Variants in UGDH observed in about 807,000 individuals in gnomAD.
The protein encoded by UGDH is UDP-Glc dehydrogenase.
In UGDH, 38 loss-of-function variants were observed where a neutral mutation model predicts 50.6. The ratio of observed to expected loss-of-function variants is 0.75; its 90% CI spans 0.58 to 0.98. The LOEUF (loss-of-function observed/expected upper bound fraction) is 0.98. Ranked by LOEUF, UGDH falls within the 50% of genes least tolerant of loss-of-function variation. The pLI is 0.00. For synonymous variants in UGDH, 168 were observed against 199.9 expected (o/e 0.84, Z 1.35); for missense variants, 465 against 606.2 (o/e 0.77, Z 2.45).
intron 3 of UGDH, among the ~76,000 whole-genome samples, chr4:39,512,214 A>C (rs1316471660): frequency 6.6e-6 from 1 of 152,152 alleles, no homozygotes; most frequent in African/African-American, 2.4e-5. Context: ...AAAAGTCTAA[A>C]ACTTAAAGGG....
chr4:39,508,499 GC>G, intron 7 of UGDH, 66 bp downstream of exon 7: 1 of 1,478,640 alleles, frequency 6.8e-7, no homozygotes. Context: ...TTCCTAAAGT[GC>G]TGCGATTACA....
chr4:39,504,821 G>A (rs920616451), intron 9 of UGDH, among the ~76,000 whole-genome samples: 1 of 152,184 alleles, frequency 6.6e-6, no homozygotes, highest in Admixed American at 6.5e-5. Flanking sequence ...TTTCCTTCTA[G>A]TACTTTCAGA....
In UGDH at chr4:39,521,345, G is replaced by A. The variant is rs191485002; in HGVS notation, c.162+6C>T. ...ATAAAAACAAAGAGATGTTTAATAT[G>A]TTTACCTCATAAATAGGAAGTGTAG... On this transcript the variant is annotated splice_donor_region_variant and intron_variant, in intron 2 of 11. Coordinates refer to ENST00000316423, the MANE Select transcript of UGDH (RefSeq NM_003359.4). 3.1e-6 allele frequency: 5 copies of A among 1,601,822 alleles called. No homozygotes were observed. The highest frequency in any genetic ancestry group is 2.6e-6 in the Non-Finnish European group (3 of 1,174,688).
chr4:39,505,456 T>C (rs1008809642), intron 8 of UGDH, 86 bp from the exon 9 acceptor site: 3 of 1,254,710 alleles, frequency 2.4e-6, no homozygotes, highest in South Asian at 2.4e-5. Flanking sequence ...GGTAAAATTA[T>C]ATTTCTGAAG....
At chr4:39,509,671 TGA>T (rs1746157852) in intron 6 of UGDH, 87 bp downstream of exon 6, 1 of 1,396,140 alleles carries the variant, frequency 7.2e-7, no homozygotes, top group South Asian at 1.5e-5. Context: ...AAGGATTCAA[TGA>T]GATATATAAA....
intron 1 of UGDH, among the ~76,000 whole-genome samples, chr4:39,521,749 C>T (rs548825994): frequency 6.6e-6 from 1 of 152,252 alleles, no homozygotes; most frequent in East Asian, 1.9e-4. Context: ...GAAATAATTA[C>T]AGTAACTGAT....
intron 1 of UGDH, among the ~76,000 whole-genome samples, chr4:39,523,524 G>T (rs1746752780): frequency 6.6e-6 from 1 of 151,874 alleles, no homozygotes; most frequent in Non-Finnish European, 1.5e-5. Context: ...ATTTATTCTG[G>T]CCAGGCACGG....
At chr4:39,523,394 G>A (rs1746747377) in intron 1 of UGDH, among the ~76,000 whole-genome samples, 1 of 151,968 alleles carries the variant, frequency 6.6e-6, no homozygotes, top group Non-Finnish European at 1.5e-5. Context: ...TAGAACTTTG[G>A]TAAAATAGTA....
Position 39,510,753 on chromosome 4 carries a change from T to C in UGDH, c.373A>G (p.Ile125Val). ...RIVQNSNGYK[I>V]VTEKSTVPVR... ...GGAACTGTGCTTTTCTCAGTCACAATTTTGTACCCATTTGAGTTTTGCACA... is the reference window on the plus strand; with the variant it reads ...GGAACTGTGCTTTTCTCAGTCACAACTTTGTACCCATTTGAGTTTTGCACA... The change falls in exon 4 of 12, where the codon ATT becomes GTT. Residue 125 changes from isoleucine to valine, a missense_variant. Ile to Val is a conservative substitution (Grantham distance 29, BLOSUM62 3). Transcript: ENST00000316423. The C allele has an allele frequency of 6.2e-7, 1 of 1,614,236 alleles. No individual in the cohort carries two copies. The highest frequency in any genetic ancestry group is 1.1e-5 in the South Asian group (1 of 91,084).
In UGDH at chr4:39,503,903, T is replaced by A. The variant is rs779324355; in HGVS notation, c.1346A>T (p.His449Leu). The change falls in exon 11 of 12, where the codon CAC becomes CTC. Residue 449 changes from histidine (H) to leucine (L), a missense_variant. Transcript: ENST00000316423. ...FDGRRVLDGLHNELQTIGFQI... is the reference protein window; with the variant it reads ...FDGRRVLDGLLNELQTIGFQI... ...GAAGCCAATGGTTTGTAGTTCATTG[T>A]GGAGCCCATCCAGGACACGCCGTCC... 5.0e-6 allele frequency: 8 copies of A among 1,614,220 alleles called. No individual in the cohort carries two copies. The Admixed American group carries it at 1.3e-4, about 27-fold the overall frequency.
chr4:39,516,866 A>T (rs1426467878), intron 2 of UGDH, among the ~76,000 whole-genome samples: 1 of 152,232 alleles, frequency 6.6e-6, no homozygotes, highest in Admixed American at 6.5e-5. Context: ...TGCAGAGAAT[A>T]AAATTTAATT....
intron 1 of UGDH, among the ~76,000 whole-genome samples, chr4:39,524,887 C>A (rs554354286): frequency 2.0e-5 from 3 of 152,204 alleles, no homozygotes; most frequent in African/African-American, 7.2e-5. Context: ...ATTGTGAGAC[C>A]ACATTTCAAC....
chr4:39,510,934 G>A, intron 3 of UGDH, 73 bp from the exon 4 acceptor site: 1 of 1,483,442 alleles, frequency 6.7e-7, no homozygotes, highest in Middle Eastern at 1.7e-4. Context: ...CTGAACTACT[G>A]GTTAAAGTGT....
At chr4:39,520,946 G>C (rs893414536) in intron 2 of UGDH, among the ~76,000 whole-genome samples, 3 of 151,544 alleles carry the variant, frequency 2.0e-5, no homozygotes, top group African/African-American at 7.3e-5. Context: ...GGTGGTGGGC[G>C]CCTGTAATCC....
intron 2 of UGDH, among the ~76,000 whole-genome samples, chr4:39,519,362 T>C (rs1746556343): frequency 6.6e-6 from 1 of 152,118 alleles, no homozygotes; most frequent in African/African-American, 2.4e-5. Context: ...GGCTTATTTG[T>C]GAAGACTAGA....
chr4:39,505,372 T>C lies in UGDH; in HGVS notation c.1038-2A>G. The C allele has an allele frequency of 6.6e-7, 1 of 1,505,972 alleles. No homozygotes were observed. The highest frequency in any genetic ancestry group is 8.8e-7 in the Non-Finnish European group (1 of 1,132,148). 93.3% of individuals were successfully genotyped at this position (1,505,972 alleles called of 1,614,324 possible). A position where few individuals can be genotyped will look rare whatever the true frequency, so the allele number is the denominator to read the frequency against. Reference sequence around the variant, plus strand: ...CTAATATATATACTAGAAGATTCTCTATAGGAAAAAAAAAATCAGTATTGG... The same window carrying C: ...CTAATATATATACTAGAAGATTCTCCATAGGAAAAAAAAAATCAGTATTGG... On this transcript the variant is annotated splice_acceptor_variant, in intron 8 of 11. Transcript: ENST00000316423. LOFTEE classifies it high-confidence loss of function.
chr4:39,526,958 C>T, intron 1 of UGDH: 1 of 1,246,262 alleles, frequency 8.0e-7, no homozygotes, highest in Non-Finnish European at 1.1e-6. Flanking sequence ...GAACCGCTTC[C>T]TGTGGTGGGC....
At chr4:39,525,044 A>G (rs1178637662) in intron 1 of UGDH, among the ~76,000 whole-genome samples, 2 of 152,388 alleles carry the variant, frequency 1.3e-5, no homozygotes, top group East Asian at 3.9e-4. Context: ...CAATGGGAGA[A>G]TCAATGAAAA....
At chr4:39,523,042 T>G (rs984369952) in intron 1 of UGDH, among the ~76,000 whole-genome samples, 3 of 152,064 alleles carry the variant, frequency 2.0e-5, no homozygotes, top group Non-Finnish European at 2.9e-5. Context: ...ATTACAGGCA[T>G]GAGCCACCAC....
Sources: gnomAD v4.1 joint callset for allele counts (sites outside exome capture counted in the v4.1 genomes callset) on GRCh38, gnomAD v4.1.1 for gene constraint, MANE v1.5 for transcripts, NCBI Gene and HGNC (gene_info 2026-07-23, HGNC 2026-07-21) for gene names.